RASSF6: variants seen among roughly 807,000 people sequenced by gnomAD.
RASSF6 encodes the protein ras association domain-containing protein 6.
Under a neutral mutation model 44.0 loss-of-function variants are expected in RASSF6, and 52 were observed. The observed-to-expected ratio is 1.18, with a 90% CI of 0.95 to 1.49. The LOEUF is 1.49. Ranked by LOEUF, RASSF6 falls within the 40% of genes most tolerant of loss-of-function variation. The pLI, the probability that RASSF6 is intolerant of heterozygous loss-of-function variation, is 0.00. For synonymous variants in RASSF6, 162 were observed against 124.6 expected (o/e 1.30, Z -2.00); for missense variants, 464 against 393.3 (o/e 1.18, Z -1.52).
At chr4:73,598,583 T>TGC (rs2149385328) in intron 3 of RASSF6, 57 bp downstream of exon 3, 1 of 793,248 alleles carries the variant, frequency 1.3e-6, no homozygotes, top group East Asian at 2.8e-5. Context: ...TGTGTGTGTG[T>TGC]GTGCACGCAT....
At chr4:73,606,402 T>C (rs1167150054) in intron 2 of RASSF6, among the ~76,000 whole-genome samples, 1 of 152,170 alleles carries the variant, frequency 6.6e-6, no homozygotes, top group East Asian at 1.9e-4. Flanking sequence ...CAATGAGCAC[T>C]GGGGACCACT....
intron 6 of RASSF6, among the ~76,000 whole-genome samples, chr4:73,584,279 T>C (rs1182589913): frequency 6.6e-6 from 1 of 151,960 alleles, no homozygotes; most frequent in East Asian, 1.9e-4. Context: ...AAGCAATGAG[T>C]TCCTATTTCT....
chr4:73,584,775 T>C (rs1258115055), intron 6 of RASSF6, among the ~76,000 whole-genome samples: 1 of 152,082 alleles, frequency 6.6e-6, no homozygotes, highest in African/African-American at 2.4e-5. Context: ...CATCTGCATG[T>C]TTTTAATACT....
rs1724221431 is a variant in RASSF6, at chr4:73,587,873, T to A, written c.349A>T (p.Ile117Phe). The A allele has an allele frequency of 6.2e-7, 1 of 1,609,792 alleles. No individual in the cohort carries two copies. Among genetic ancestry groups the A allele is most frequent in the South Asian group, 1.1e-5 (1 of 90,742 alleles). The part of the protein sequence containing the change: ...YRISELDRTQ[I>F]PMSEKRNSQE... Reference sequence around the variant, plus strand: ...GAATTCCTTTTTTCAGACATAGGAATCTGGGTCCTGTCCAGCTCACTAATA... The same window carrying A: ...GAATTCCTTTTTTCAGACATAGGAAACTGGGTCCTGTCCAGCTCACTAATA... The change falls in exon 5 of 11, where the codon ATT (isoleucine) becomes TTT (phenylalanine). Residue 117 changes from isoleucine (I) to phenylalanine (F), a missense_variant. Transcript: ENST00000307439.
rs1723979432 is a variant in RASSF6 at position 73,585,183 on chromosome 4, A to G, written c.564T>C (p.His188=). Residue 188 remains histidine, a synonymous_variant, in exon 6 of 11, where the codon CAT becomes CAC. Transcript: ENST00000307439. ...RASINGHFYN[H]ETSIFIPAFE... The stretch of plus-strand genomic sequence containing the variant: ...AATGGAATTGTAACTCACTTACTTC[A>G]TGGTTATAGAAGTGTCCATTAATAG... 3.2e-6 allele frequency: 5 copies of G among 1,583,470 alleles called. No homozygotes were observed. Among genetic ancestry groups the G allele is most frequent in the African/African-American group, 1.4e-5 (1 of 73,056 alleles).
At chr4:73,591,122 T>A (rs1477423495) in intron 4 of RASSF6, among the ~76,000 whole-genome samples, 1 of 152,326 alleles carries the variant, frequency 6.6e-6, no homozygotes, top group Non-Finnish European at 1.5e-5. Flanking sequence ...AAGAGTTAAA[T>A]AAGAGAATTT....
chr4:73,593,171 A>T (rs867344768), intron 4 of RASSF6, among the ~76,000 whole-genome samples: 36 of 152,198 alleles, frequency 2.4e-4, no homozygotes, highest in Middle Eastern at 6.8e-3. Flanking sequence ...GGCTGCCACC[A>T]CGCCCAGCTA....
chr4:73,589,629 C>T (rs1016756671), intron 4 of RASSF6, among the ~76,000 whole-genome samples: 9 of 151,984 alleles, frequency 5.9e-5, no homozygotes, highest in Non-Finnish European at 1.3e-4. Flanking sequence ...CAGTTTTCAG[C>T]TCTGGATTGT....
chr4:73,616,783 A>G (rs1043549548), intron 1 of RASSF6, among the ~76,000 whole-genome samples: 14 of 152,206 alleles, frequency 9.2e-5, no homozygotes, highest in Non-Finnish European at 1.8e-4. Flanking sequence ...GAGTCTTTTT[A>G]ATAAAATATT....
chr4:73,587,296 C>T (rs1321572612), intron 5 of RASSF6, among the ~76,000 whole-genome samples: 2 of 152,138 alleles, frequency 1.3e-5, no homozygotes, highest in Middle Eastern at 6.8e-3. Flanking sequence ...AGTATGGATC[C>T]ATTTGATCCT....
chr4:73,616,066 T>C (rs1223550550), intron 1 of RASSF6: 1 of 772,316 alleles, frequency 1.3e-6, no homozygotes, highest in South Asian at 1.6e-5. Context: ...TCAACAAATA[T>C]TTCACGAGTT....
chr4:73,609,371 A>T (rs1199522060), intron 2 of RASSF6, among the ~76,000 whole-genome samples: 2 of 151,942 alleles, frequency 1.3e-5, no homozygotes, highest in Non-Finnish European at 2.9e-5. Flanking sequence ...CAGGCAATAA[A>T]ACAGCAACTG....
At position 73,577,902 on chromosome 4, in the gene RASSF6, T is replaced by G. The variant is rs573832474; in HGVS notation, c.722-1171A>C. Among the ~76,000 whole-genome samples, 66 of 152,316 alleles carry G rather than the reference T, an allele frequency of 4.3e-4. No homozygotes were observed. The East Asian group carries it at 0.012, about 29-fold the overall frequency. On this transcript the variant is annotated intron_variant, in intron 8 of 10. Coordinates refer to ENST00000307439, the MANE Select transcript of RASSF6 (RefSeq NM_177532.5). ...TTGGGAATCTGTATTTTAAGTGAAC[T>G]CTATAGGTAATCTGAAATGAACTAC...
chr4:73,603,092 G>GAAGA (rs376546916), intron 2 of RASSF6, among the ~76,000 whole-genome samples: 2,297 of 151,710 alleles, frequency 0.015, 36 homozygotes, highest in South Asian at 0.046. Context: ...CGTCTCAAAA[G>GAAGA]AAGAAAGAAA....
At chr4:73,579,953 T>G (rs529752910) in intron 8 of RASSF6, among the ~76,000 whole-genome samples, 1 of 151,862 alleles carries the variant, frequency 6.6e-6, no homozygotes, top group South Asian at 2.1e-4. Flanking sequence ...ACATGTGCCA[T>G]GCTGGTGTGC....
At position 73,574,665 on chromosome 4, in the gene RASSF6, T is replaced by C. The variant is rs1723101655; in HGVS notation, c.*1570A>G. On this transcript the variant is annotated 3_prime_UTR_variant, in exon 11 of 11. Transcript: ENST00000307439. Reference sequence around the variant, plus strand: ...TTACTACCTTGTTTCTGTCTTCTGATTGATACAGACTAACACAGTTGTTCA... The same window carrying C: ...TTACTACCTTGTTTCTGTCTTCTGACTGATACAGACTAACACAGTTGTTCA... 6.6e-6 allele frequency: 1 copy of C among 152,190 alleles called. No homozygotes were observed. The highest frequency in any genetic ancestry group is 2.4e-5 in the African/African-American group (1 of 41,448). The allele number at this position is 152,190 out of a possible 1,614,324, so 9.4% of individuals were successfully genotyped here. A position where few individuals can be genotyped will look rare whatever the true frequency, so the allele number is the denominator to read the frequency against.
Position 73,606,021 on chromosome 4 carries a change from C to G in RASSF6, c.65+5710G>C, listed in dbSNP as rs115284343. ...AGCAGTTTGGAGATTTTTCAAAAAT[C>G]TAAAAGTTGAACTACCTTTCAACCC... On this transcript the variant is annotated intron_variant, in intron 2 of 10. Transcript: ENST00000307439. Among the ~76,000 whole-genome samples, 1,389 of 152,274 alleles carry G rather than the reference C, an allele frequency of 9.1e-3. 26 individuals carry two copies. Among genetic ancestry groups the G allele is most frequent in the African/African-American group, 0.032 (1,315 of 41,554 alleles).
At chr4:73,592,755 A>G (rs935725836) in intron 4 of RASSF6, among the ~76,000 whole-genome samples, 2 of 152,208 alleles carry the variant, frequency 1.3e-5, no homozygotes, top group Admixed American at 1.3e-4. Context: ...CCAAGGAAAG[A>G]AGACATTTAG....
rs1208960145 is a variant in RASSF6, at chr4:73,574,780, A to G, written c.*1455T>C. On this transcript the variant is annotated 3_prime_UTR_variant, in exon 11 of 11. Coordinates refer to ENST00000307439, the MANE Select transcript of RASSF6 (RefSeq NM_177532.5). ...CTTTTCATATCTACCTTTTTTTTCTATGTAAGACTTGGTTCTTCTCTTATA... is the reference window on the plus strand; with the variant it reads ...CTTTTCATATCTACCTTTTTTTTCTGTGTAAGACTTGGTTCTTCTCTTATA... 6.6e-6 allele frequency: 1 copy of G among 150,680 alleles called. No homozygotes were observed. Among genetic ancestry groups the G allele is most frequent in the Non-Finnish European group, 1.5e-5 (1 of 67,694 alleles). The allele number at this position is 150,680 out of a possible 1,614,324, so 9.3% of individuals were successfully genotyped here. A position where few individuals can be genotyped will look rare whatever the true frequency, so the allele number is the denominator to read the frequency against.
Sources: gnomAD v4.1 joint callset for allele counts (sites outside exome capture counted in the v4.1 genomes callset) on GRCh38, gnomAD v4.1.1 for gene constraint, MANE v1.5 for transcripts, NCBI Gene and HGNC (gene_info 2026-07-23, HGNC 2026-07-21) for gene names.